Variants in PCDH11Y observed in about 807,000 individuals in gnomAD.
PCDH11Y encodes protocadherin 11 Y-linked.
For synonymous variants in PCDH11Y, 9 were observed against 83.6 expected, an observed-to-expected ratio of 0.11 and a Z score of 4.87; for missense variants, 12 against 224.8, an observed-to-expected ratio of 0.05 and a Z score of 6.05.
chrY:5,144,290 G>T, intron 2 of PCDH11Y, among the ~76,000 whole-genome samples: 8 of 32,087 alleles, frequency 2.5e-4, no homozygotes, highest in Admixed American at 1.4e-3. Flanking sequence ...TGTTATGTTA[G>T]TATGTTCATA....
chrY:5,584,045 G>T (rs2053453042), intron 4 of PCDH11Y, among the ~76,000 whole-genome samples: 1 of 31,831 alleles, frequency 3.1e-5, no homozygotes, highest in Non-Finnish European at 7.7e-5. Context: ...TCCCCTTTCA[G>T]TATGATACTA....
At chrY:5,499,166 C>A in intron 2 of PCDH11Y, among the ~76,000 whole-genome samples, 1 of 32,564 alleles carries the variant, frequency 3.1e-5, no homozygotes, top group Non-Finnish European at 7.5e-5. Flanking sequence ...ACAAAACAAA[C>A]AACAACAAAA....
chrY:5,485,852 G>A, intron 2 of PCDH11Y, among the ~76,000 whole-genome samples: 1 of 21,343 alleles, frequency 4.7e-5, no homozygotes, highest in Admixed American at 5.1e-4. Flanking sequence ...AATTTCTGAA[G>A]ATTATTTTCA....
At chrY:5,498,485 A>G (rs2053348450) in intron 2 of PCDH11Y, among the ~76,000 whole-genome samples, 1 of 34,843 alleles carries the variant, frequency 2.9e-5, no homozygotes, top group African/African-American at 1.1e-4. Context: ...CTTTTGAAGA[A>G]TACAGTATTG....
At chrY:5,108,460 A>C (rs2052796929), downstream of PCDH11Y, among the ~76,000 whole-genome samples, 1 of 33,259 alleles carries the variant, frequency 3.0e-5, no homozygotes, top group African/African-American at 1.2e-4. Context: ...AAATATGTAT[A>C]TACTTGGCCG....
chrY:5,662,944 G>A (rs2053542137), intron 4 of PCDH11Y, among the ~76,000 whole-genome samples: 2 of 30,345 alleles, frequency 6.6e-5, no homozygotes, highest in Admixed American at 6.1e-4. Flanking sequence ...AGCCGAGATC[G>A]TGCCACTGCA....
chrY:5,462,680 A>G (rs2053304737), intron 2 of PCDH11Y, among the ~76,000 whole-genome samples: 1 of 32,010 alleles, frequency 3.1e-5, no homozygotes, highest in African/African-American at 1.2e-4. Context: ...CTTGTTGCCT[A>G]GGCTGGAGTG....
intron 3 of PCDH11Y, among the ~76,000 whole-genome samples, chrY:5,050,854 TAC>T (rs1416079495): frequency 6.7e-5 from 2 of 30,073 alleles, no homozygotes; most frequent in African/African-American, 1.3e-4. Flanking sequence ...ATATATATAT[TAC>T]ACACACACAC....
rs200750549 is a variant in PCDH11Y, at chrY:5,118,606, C to T, written c.3129+17899C>T. On this transcript the variant is annotated intron_variant, in intron 2 of 4. Coordinates refer to the PCDH11Y transcript ENST00000400457. ...CCTAATTTTCAAGACTGTAGTATTACCTATAATCTTTATGAGATTTATTGT... is the reference window on the plus strand; with the variant it reads ...CCTAATTTTCAAGACTGTAGTATTATCTATAATCTTTATGAGATTTATTGT... Among the ~76,000 whole-genome samples the T allele has an allele frequency of 1.3e-3, 25 of 19,734 alleles. No individual in the cohort carries two copies. The East Asian group carries it at 0.035, about 27-fold the overall frequency. The allele number at this position is 19,734 out of a possible 37,273, so 52.9% of individuals were successfully genotyped here.
intron 2 of PCDH11Y, among the ~76,000 whole-genome samples, chrY:5,326,336 T>C (rs2124666549): frequency 9.3e-5 from 3 of 32,093 alleles, no homozygotes; most frequent in South Asian, 7.4e-4. Flanking sequence ...ATCCTCGAGC[T>C]TGATGTGTAG....
chrY:5,604,455 T>C, intron 4 of PCDH11Y, among the ~76,000 whole-genome samples: 2 of 32,552 alleles, frequency 6.1e-5, no homozygotes, highest in South Asian at 1.4e-3. Flanking sequence ...TATGAAGAAG[T>C]GAAATTGAGC....
chrY:5,171,880 A>G, intron 2 of PCDH11Y, among the ~76,000 whole-genome samples: 1 of 33,026 alleles, frequency 3.0e-5, no homozygotes. Context: ...AACTAAACTC[A>G]TGCAGCTTAT....
chrY:5,685,276 A>G, intron 4 of PCDH11Y, among the ~76,000 whole-genome samples: 1 of 31,587 alleles, frequency 3.2e-5, no homozygotes, highest in Non-Finnish European at 7.7e-5. Context: ...AGGATTTCAC[A>G]GGAAAAGTTC....
intron 2 of PCDH11Y, among the ~76,000 whole-genome samples, chrY:5,166,078 C>T: frequency 3.1e-5 from 1 of 32,447 alleles, no homozygotes; most frequent in South Asian, 6.9e-4. Flanking sequence ...CCCACAAAGG[C>T]GACGGCAAGC....
intron 2 of PCDH11Y, among the ~76,000 whole-genome samples, chrY:5,360,766 C>T: frequency 3.1e-5 from 1 of 32,614 alleles, no homozygotes; most frequent in South Asian, 6.9e-4. Flanking sequence ...TAGGTGACTT[C>T]TGAGCAAAGA....
At chrY:5,317,016 A>G (rs2124665327) in intron 2 of PCDH11Y, among the ~76,000 whole-genome samples, 1 of 32,747 alleles carries the variant, frequency 3.1e-5, no homozygotes, top group East Asian at 8.2e-4. Flanking sequence ...CAGCCTCAGG[A>G]GGTCCTCAAA....
chrY:5,162,239 TTA>T (rs2052875190), intron 2 of PCDH11Y, among the ~76,000 whole-genome samples: 4 of 32,506 alleles, frequency 1.2e-4, no homozygotes, highest in African/African-American at 3.6e-4. Flanking sequence ...GGAAAAAAAA[TTA>T]TGTTTCTAAG....
intron 4 of PCDH11Y, among the ~76,000 whole-genome samples, chrY:5,665,794 C>A: frequency 3.0e-5 from 1 of 33,576 alleles, no homozygotes; most frequent in Non-Finnish European, 7.4e-5. Flanking sequence ...TCCCCATTTT[C>A]TTCTACAAAT....
intron 2 of PCDH11Y, among the ~76,000 whole-genome samples, chrY:5,219,951 T>C: frequency 8.9e-5 from 3 of 33,615 alleles, no homozygotes; most frequent in Non-Finnish European, 1.5e-4. Flanking sequence ...TCTATCTTTC[T>C]TCTTTTTGAA....
Sources: gnomAD v4.1 joint callset for allele counts (sites outside exome capture counted in the v4.1 genomes callset) on GRCh38, gnomAD v4.1.1 for gene constraint, MANE v1.5 for transcripts, NCBI Gene and HGNC (gene_info 2026-07-23, HGNC 2026-07-21) for gene names.